The following INPP5D variants were observed in gnomAD, a reference collection of about 807,000 sequenced individuals.
INPP5D encodes the protein phosphatidylinositol 3,4,5-trisphosphate 5-phosphatase 1.
INPP5D carries 33 observed loss-of-function variants against 122.9 expected under a neutral mutation model. The observed-to-expected ratio is 0.27, with a 90% CI of 0.20 to 0.36. The LOEUF is 0.36. Ranked by LOEUF, INPP5D falls within the 10% of genes least tolerant of loss-of-function variation. INPP5D has a pLI of 1.00. For synonymous variants in INPP5D, 584 were observed against 576.2 expected, an observed-to-expected ratio of 1.01 and a Z score of -0.19; for missense variants, 1,053 against 1,412.7, an observed-to-expected ratio of 0.75 and a Z score of 4.08.
intron 25 of INPP5D, among the ~76,000 whole-genome samples, chr2:233,203,525 C>CAG (rs1186936336): frequency 6.6e-6 from 1 of 152,220 alleles, no homozygotes; most frequent in Non-Finnish European, 1.5e-5. Context: ...ATGATGAACA[C>CAG]AGTACTGTTT....
rs974061556 is a variant in INPP5D, at chr2:233,160,211, G to T, written c.1138-1513G>T. Among the ~76,000 whole-genome samples the T allele has an allele frequency of 6.6e-6, 1 of 152,186 alleles. No individual in the cohort carries two copies. Among genetic ancestry groups the T allele is most frequent in the East Asian group, 1.9e-4 (1 of 5,200 alleles). ...ACTTACTGAGATTTGCAATTATAAG[G>T]TTGAATCATGTAAAATTTCTGTCTT... On this transcript the variant is annotated intron_variant, in intron 10 of 26. Transcript: ENST00000445964. The surrounding 1 kb of genome is among the most constrained non-coding windows in gnomAD (Gnocchi z 4.2).
At chr2:233,095,032 C>G (rs1320008945) in intron 2 of INPP5D, among the ~76,000 whole-genome samples, 1 of 152,170 alleles carries the variant, frequency 6.6e-6, no homozygotes, top group East Asian at 1.9e-4. Flanking sequence ...CTCATGTTGC[C>G]TAGGTTAGCA....
At chr2:233,176,236 G>T (rs1694621367) in intron 17 of INPP5D, among the ~76,000 whole-genome samples, 1 of 152,120 alleles carries the variant, frequency 6.6e-6, no homozygotes, top group Admixed American at 6.6e-5. Context: ...TTGTCATATA[G>T]TATTAATAGA....
rs1351671735 is a variant in INPP5D, at chr2:233,207,572, C to T, written c.*864C>T. On this transcript the variant is annotated 3_prime_UTR_variant, in exon 27 of 27. Transcript: ENST00000445964. This position sits in a 1 kb window ranked among gnomAD's most constrained non-coding sequence, Gnocchi z 4.6. ...ACCAGCCACAGTTAAGCCAAGCCCC[C>T]CAACATGTATTCCATCGTGCTGGTA... is the stretch of plus-strand genomic sequence containing the variant. The T allele has an allele frequency of 6.6e-6, 1 of 152,386 alleles. No individual in the cohort carries two copies. The highest frequency in any genetic ancestry group is 1.5e-5 in the Non-Finnish European group (1 of 68,092). The allele number at this position is 152,386 out of a possible 1,614,324, so 9.4% of individuals were successfully genotyped here.
At chr2:233,203,654 G>A (rs1174184030) in intron 25 of INPP5D, among the ~76,000 whole-genome samples, 1 of 152,186 alleles carries the variant, frequency 6.6e-6, no homozygotes, top group Non-Finnish European at 1.5e-5. Flanking sequence ...CACTTTGGGA[G>A]GCCAAAGTGA....
chr2:233,092,760 T>A (rs181251023), intron 2 of INPP5D, among the ~76,000 whole-genome samples: 1 of 152,124 alleles, frequency 6.6e-6, no homozygotes, highest in Non-Finnish European at 1.5e-5. Flanking sequence ...CCCAACAGCA[T>A]CCCTTTATCC....
intron 10 of INPP5D, 135 bp downstream of exon 10, chr2:233,158,554 G>T (rs1334972244): frequency 1.1e-5 from 6 of 538,540 alleles, no homozygotes; most frequent in African/African-American, 3.9e-5. Context: ...ACCTGGGAAA[G>T]GTGAACTTAG....
intron 2 of INPP5D, among the ~76,000 whole-genome samples, chr2:233,087,387 T>A (rs1270185908): frequency 6.6e-6 from 1 of 152,140 alleles, no homozygotes; most frequent in African/African-American, 2.4e-5. Context: ...AGTGGCACAA[T>A]CTCGGCTCAG....
chr2:233,065,196 G>C (rs3935583), intron 1 of INPP5D, among the ~76,000 whole-genome samples: 139,827 of 152,280 alleles, frequency 0.92, 64,360 homozygotes, highest in East Asian at 0.99. Context: ...CTCAGCCCCC[G>C]TGAAAAGTCC....
rs1478213206 is a variant in INPP5D, at chr2:233,146,229, C to A, written c.821C>A (p.Ser274Tyr). Residue 274 changes from serine to tyrosine, a missense_variant, in exon 7 of 27, where the codon TCC (serine) becomes TAC (tyrosine). Ser to Tyr is a moderately radical substitution (Grantham distance 144). Transcript: ENST00000445964. Reference protein sequence around the residue: ...KLSQLTSLLSSIEDKVKALLH... With the variant: ...KLSQLTSLLSYIEDKVKALLH... The stretch of plus-strand genomic sequence containing the variant: ...AGCCAACTGACAAGCCTGTTGTCGT[C>A]CATTGAAGACAAGGTACGTGTGGGG... 4.3e-6 allele frequency: 3 copies of A among 704,280 alleles called. No individual in the cohort carries two copies. The highest frequency in any genetic ancestry group is 7.8e-6 in the Non-Finnish European group (3 of 385,006). The allele number at this position is 704,280 out of a possible 1,614,324, so 43.6% of individuals were successfully genotyped here.
intron 9 of INPP5D, among the ~76,000 whole-genome samples, chr2:233,157,993 GGGAGGGAGAAGA>G (rs1694100161): frequency 6.6e-6 from 1 of 152,138 alleles, no homozygotes; most frequent in African/African-American, 2.4e-5. Flanking sequence ...GAAGAAAGGA[GGGAGGGAGAAGA>G]GGAGGAAGAA....
At chr2:233,163,609 G>A (rs1017922482) in intron 11 of INPP5D, 98 bp from the exon 12 acceptor site, 25 of 1,584,216 alleles carry the variant, frequency 1.6e-5, no homozygotes, top group South Asian at 4.6e-5. Context: ...GTGTAATGAC[G>A]TGACCTCCCT....
rs939713427 is a variant in INPP5D, at chr2:233,082,988, G to A, written c.198+3590G>A. 2.6e-5 allele frequency among the ~76,000 whole-genome samples: 4 copies of A among 152,254 alleles called. No individual in the cohort carries two copies. Among genetic ancestry groups the A allele is most frequent in the African/African-American group, 9.6e-5 (4 of 41,468 alleles). On this transcript the variant is annotated intron_variant, in intron 2 of 26. Coordinates refer to ENST00000445964, the MANE Select transcript of INPP5D (RefSeq NM_001017915.3). The surrounding 1 kb of genome is among the most constrained non-coding windows in gnomAD (Gnocchi z 4.7). ...ACAGGGCAATGTGGCCTCTCAGAGA[G>A]CTTGGCCTCTTGCCCTTCACATGGT...
intron 20 of INPP5D, 102 bp from the exon 21 acceptor site, chr2:233,185,737 AGGAG>A: frequency 1.1e-6 from 1 of 951,184 alleles, no homozygotes; most frequent in Non-Finnish European, 1.3e-6. Flanking sequence ...AAAAAAAAAA[AGGAG>A]AGAGCACATC....
chr2:233,100,206 G>A lies in INPP5D; in HGVS notation c.198+20808G>A, dbSNP rs375776174. 1.2e-4 allele frequency among the ~76,000 whole-genome samples: 18 copies of A among 152,222 alleles called. No individual in the cohort carries two copies. In the East Asian group the frequency reaches 2.9e-3, roughly 24 times the overall value. On this transcript the variant is annotated intron_variant, in intron 2 of 26. Coordinates refer to ENST00000445964, the MANE Select transcript of INPP5D (RefSeq NM_001017915.3). The surrounding 1 kb of genome is among the most constrained non-coding windows in gnomAD (Gnocchi z 5.3). ...GTCACCATCCCCACCTCGCCCTGTC[G>A]CCTCACTCGCAGCCTGTTCCACTCA...
At chr2:233,130,730 T>G in intron 5 of INPP5D, 82 bp downstream of exon 5, 2 of 1,440,890 alleles carry the variant, frequency 1.4e-6, no homozygotes, top group African/African-American at 2.8e-5. Flanking sequence ...CCTCTGCCTC[T>G]GCCTGGCTGA....
chr2:233,083,990 G>A (rs182639693), intron 2 of INPP5D, among the ~76,000 whole-genome samples: 1 of 152,330 alleles, frequency 6.6e-6, no homozygotes, highest in African/African-American at 2.4e-5. Context: ...TCTTGAGGTT[G>A]AGATTGTATC....
Position 233,077,782 on chromosome 2 carries a change from C to T in INPP5D, c.135-1553C>T, listed in dbSNP as rs527278120. Among the ~76,000 whole-genome samples the T allele has an allele frequency of 1.3e-4, 20 of 150,780 alleles. No individual in the cohort carries two copies. The South Asian group carries it at 4.0e-3, about 30-fold the overall frequency. ...GGCTGAGGCAGGAGAATTGCTTGAA[C>T]CTGGGAGGCAGAGGTTGCAGTGAGC... On this transcript the variant is annotated intron_variant, in intron 1 of 26. Transcript: ENST00000445964.
At chr2:233,120,987 TC>T (rs1463857708) in intron 2 of INPP5D, among the ~76,000 whole-genome samples, 3 of 152,118 alleles carry the variant, frequency 2.0e-5, no homozygotes, top group African/African-American at 7.2e-5. Flanking sequence ...AAAAAGTTCT[TC>T]GTGCAGGAAA....
Sources: gnomAD v4.1 joint callset for allele counts (sites outside exome capture counted in the v4.1 genomes callset) on GRCh38, gnomAD v4.1.1 for gene constraint, Gnocchi (gnomAD v3.1) non-coding constraint, MANE v1.5 for transcripts, NCBI Gene and HGNC (gene_info 2026-07-23, HGNC 2026-07-21) for gene names.